PIGL: variants seen among roughly 807,000 people sequenced by gnomAD.
PIGL encodes N-acetylglucosaminyl-phosphatidylinositol de-N-acetylase.
In PIGL, 22 loss-of-function variants were observed where a neutral mutation model predicts 31.1. That is an observed-to-expected ratio of 0.71 (90% confidence interval 0.51 to 1.01). The LOEUF is 1.01. Among genes scored for constraint, PIGL ranks in the 50% least tolerant of loss-of-function variants. The probability of loss-of-function intolerance (pLI) is 0.00; values close to 1 mark genes in which losing one functional copy is unlikely to be tolerated. For missense variants in PIGL, 302 were observed against 315.9 expected, an observed-to-expected ratio of 0.96 and a Z score of 0.33; for synonymous variants, 131 against 117.4, an observed-to-expected ratio of 1.12 and a Z score of -0.75.
In PIGL at chr17:16,217,307, A is replaced by C; in HGVS notation, c.81A>C (p.Arg27=). Residue 27 remains arginine, a synonymous_variant, in exon 1 of 7, where the codon CGA becomes CGC. Coordinates refer to ENST00000225609, the MANE Select transcript of PIGL (RefSeq NM_004278.4). ...GFLWVWDSSE[R]MKSREQGGRL... ...TCTGGGTTTGGGACTCCTCAGAACG[A>C]ATGAAGAGTCGGGAGCAGGGAGGAC... 6.2e-7 allele frequency: 1 copy of C among 1,614,138 alleles called. No individual in the cohort carries two copies. Among genetic ancestry groups the C allele is most frequent in the Non-Finnish European group, 8.5e-7 (1 of 1,180,014 alleles).
intron 2 of PIGL, among the ~76,000 whole-genome samples, chr17:16,245,983 C>G (rs1181227521): frequency 3.4e-5 from 5 of 148,548 alleles, no homozygotes; most frequent in African/African-American, 1.2e-4. Flanking sequence ...CCTTGACCAG[C>G]TATTTTTATT....
rs768918863 is a variant in PIGL, at chr17:16,316,691, T to G, written c.505T>G (p.Ser169Ala). 5.6e-6 allele frequency: 9 copies of G among 1,605,358 alleles called. No homozygotes were observed. Among genetic ancestry groups the G allele is most frequent in the African/African-American group, 1.3e-5 (1 of 74,798 alleles). The change falls in exon 5 of 7, where the codon TCA becomes GCA. Residue 169 changes from serine (S) to alanine (A), a missense_variant. Transcript: ENST00000225609. ...ALYAAVRALH[S>A]EGKLPKGCSV... is the part of the protein sequence containing the mutation. ...CTATCCCTCCTCCAGGGCCCTGCAC[T>G]CAGAAGGGAAGTTACCTAAAGGTAA...
intron 6 of PIGL, among the ~76,000 whole-genome samples, chr17:16,324,693 G>A (rs1249168408): frequency 6.6e-6 from 1 of 152,068 alleles, no homozygotes; most frequent in Non-Finnish European, 1.5e-5. Context: ...TATAAAAGGG[G>A]TTATTTACAT....
intron 2 of PIGL, among the ~76,000 whole-genome samples, chr17:16,281,623 C>T (rs758942311): frequency 1.8e-4 from 27 of 152,206 alleles, no homozygotes; most frequent in Non-Finnish European, 4.4e-5. Context: ...GTATATTTTC[C>T]CTATAAATCC....
chr17:16,239,313 C>G (rs2092713162), intron 2 of PIGL, among the ~76,000 whole-genome samples: 1 of 151,784 alleles, frequency 6.6e-6, no homozygotes, highest in African/African-American at 2.4e-5. Flanking sequence ...GAAACCCCGT[C>G]TCTACTAAAG....
intron 1 of PIGL, among the ~76,000 whole-genome samples, chr17:16,219,987 T>C (rs1388896462): frequency 1.3e-5 from 2 of 152,170 alleles, no homozygotes; most frequent in East Asian, 3.8e-4. Context: ...GGTATAGCTG[T>C]TTAATAAACT....
intron 6 of PIGL, among the ~76,000 whole-genome samples, chr17:16,321,956 G>A (rs190652291): frequency 6.6e-5 from 10 of 151,860 alleles, no homozygotes; most frequent in African/African-American, 2.4e-4. Context: ...GGCTAATTTT[G>A]TATTTTTAGT....
chr17:16,313,626 C>A lies in PIGL; in HGVS notation c.494+12C>A, dbSNP rs373609110. On this transcript the variant is annotated intron_variant, in intron 4 of 6. Coordinates refer to ENST00000225609, the MANE Select transcript of PIGL (RefSeq NM_004278.4). ...TATGCAGCTGTGAGGTATGATTCTC[C>A]GGGTGATGGATGTGGGGGAGGGTTT... The A allele has an allele frequency of 1.2e-6, 2 of 1,600,350 alleles. No individual in the cohort carries two copies. Among genetic ancestry groups the A allele is most frequent in the Admixed American group, 1.7e-5 (1 of 59,986 alleles).
At chr17:16,315,700 CTT>C (rs2093072545) in intron 4 of PIGL, among the ~76,000 whole-genome samples, 1 of 91,164 alleles carries the variant, frequency 1.1e-5, no homozygotes, top group Non-Finnish European at 2.1e-5. Flanking sequence ...TTCTTTCTTT[CTT>C]TCTTTCTTTT....
At chr17:16,268,405 A>G (rs1430727560) in intron 2 of PIGL, among the ~76,000 whole-genome samples, 3 of 152,152 alleles carry the variant, frequency 2.0e-5, no homozygotes, top group African/African-American at 7.2e-5. Flanking sequence ...CAGCCTAATA[A>G]TTATCATAGC....
chr17:16,234,915 A>G (rs2092693544), intron 2 of PIGL, among the ~76,000 whole-genome samples: 1 of 152,212 alleles, frequency 6.6e-6, no homozygotes, highest in Non-Finnish European at 1.5e-5. Flanking sequence ...AATTTCAAAA[A>G]CATACAAAAG....
At chr17:16,274,020 G>A (rs1025532963) in intron 2 of PIGL, among the ~76,000 whole-genome samples, 1 of 152,204 alleles carries the variant, frequency 6.6e-6, no homozygotes, top group East Asian at 1.9e-4. Context: ...ATCGATGGCC[G>A]TGATACTCAC....
chr17:16,239,039 G>C (rs1018744547), intron 2 of PIGL, among the ~76,000 whole-genome samples: 2 of 149,596 alleles, frequency 1.3e-5, no homozygotes, highest in East Asian at 4.3e-4. Flanking sequence ...CACCTTGCCC[G>C]ACCTGAAAAT....
intron 2 of PIGL, among the ~76,000 whole-genome samples, chr17:16,251,860 T>G (rs2092773278): frequency 6.6e-6 from 1 of 152,000 alleles, no homozygotes; most frequent in Non-Finnish European, 1.5e-5. Flanking sequence ...ATGCATGTAT[T>G]GAAGGTCAGG....
chr17:16,277,824 A>T (rs553286971), intron 2 of PIGL, among the ~76,000 whole-genome samples: 8 of 152,330 alleles, frequency 5.3e-5, no homozygotes, highest in Admixed American at 5.2e-4. Context: ...CTTCTGTGGC[A>T]TACAACAATT....
chr17:16,267,985 C>T (rs758561276), intron 2 of PIGL, among the ~76,000 whole-genome samples: 1 of 152,112 alleles, frequency 6.6e-6, no homozygotes, highest in Non-Finnish European at 1.5e-5. Context: ...AGAACAGACT[C>T]GTCCCTCAAG....
chr17:16,217,640 TGGGG>T, intron 1 of PIGL, 179 bp downstream of exon 1: 6 of 540,146 alleles, frequency 1.1e-5, no homozygotes, highest in Admixed American at 3.4e-5. Flanking sequence ...CCTGGTGGGT[TGGGG>T]GACGTCGGCA....
At chr17:16,219,105 C>G (rs1186636707) in intron 1 of PIGL, among the ~76,000 whole-genome samples, 1 of 127,462 alleles carries the variant, frequency 7.8e-6, no homozygotes, top group Non-Finnish European at 1.6e-5. Flanking sequence ...CTTGCTCTAT[C>G]GCCTAGGCTG....
intron 2 of PIGL, among the ~76,000 whole-genome samples, chr17:16,291,653 G>A (rs1568826966): frequency 6.6e-6 from 1 of 151,896 alleles, no homozygotes; most frequent in Admixed American, 6.6e-5. Flanking sequence ...GTCACCTGAG[G>A]TCAGGAGTTC....
Sources: allele counts gnomAD v4.1 joint callset (sites outside exome capture counted in the v4.1 genomes callset), GRCh38; gene constraint gnomAD v4.1.1; transcripts MANE v1.5; gene names NCBI Gene and HGNC (gene_info 2026-07-23, HGNC 2026-07-21).